Variants in RUVBL1 observed in about 807,000 individuals in gnomAD.
RUVBL1 encodes the protein ruvB-like 1.
RUVBL1 carries 4 observed loss-of-function variants against 52.4 expected under a neutral mutation model. That is an observed-to-expected ratio of 0.08 (90% CI 0.04 to 0.17). RUVBL1 has a LOEUF of 0.17. Among genes scored for constraint, RUVBL1 ranks in the 10% least tolerant of loss-of-function variants. The pLI is 1.00. For missense variants in RUVBL1, 298 were observed against 572.8 expected, an observed-to-expected ratio of 0.52 and a Z score of 4.90; for synonymous variants, 217 against 214.4, an observed-to-expected ratio of 1.01 and a Z score of -0.10.
At chr3:128,118,638 G>A (rs949313600) in intron 2 of RUVBL1, among the ~76,000 whole-genome samples, 4 of 152,162 alleles carry the variant, frequency 2.6e-5, no homozygotes, top group African/African-American at 7.2e-5. Context: ...GAAGCCACAC[G>A]GTGTCCTCTG....
chr3:128,117,606 C>G (rs1943556308), intron 2 of RUVBL1, among the ~76,000 whole-genome samples: 1 of 151,494 alleles, frequency 6.6e-6, no homozygotes, highest in Non-Finnish European at 1.5e-5. Context: ...TTAACGCTGA[C>G]AGTTTTTTTG....
downstream of RUVBL1, among the ~76,000 whole-genome samples, chr3:128,078,302 T>C (rs770386340): frequency 6.6e-6 from 1 of 152,194 alleles, no homozygotes; most frequent in Non-Finnish European, 1.5e-5. Flanking sequence ...AAACAAACTA[T>C]CCTACCAATC....
At chr3:128,104,670 T>A in intron 4 of RUVBL1, 103 bp downstream of exon 4, 1 of 976,918 alleles carries the variant, frequency 1.0e-6, no homozygotes, top group Non-Finnish European at 1.5e-6. Context: ...ATACCTGCAG[T>A]GCACAGGTCA....
chr3:128,147,909 T>C (rs1944127830), intron 1 of RUVBL1, among the ~76,000 whole-genome samples: 1 of 152,164 alleles, frequency 6.6e-6, no homozygotes, highest in African/African-American at 2.4e-5. Flanking sequence ...TACTACACAG[T>C]GATAAAAAGG....
downstream of RUVBL1, among the ~76,000 whole-genome samples, chr3:128,077,398 C>T (rs116207586): frequency 1.7e-3 from 255 of 152,288 alleles, no homozygotes; most frequent in East Asian, 6.0e-3. Context: ...TGGCTGCATA[C>T]TGGAGGAAGC....
At chr3:128,068,315 T>C (rs1012215816) in intron 9 of RUVBL1, among the ~76,000 whole-genome samples, 4 of 152,210 alleles carry the variant, frequency 2.6e-5, no homozygotes, top group African/African-American at 9.6e-5. Flanking sequence ...GCCAGGCGGA[T>C]AGGAGACAGT....
chr3:128,153,359 G>A, exon 1 of RUVBL1: 4 of 1,384,044 alleles, frequency 2.9e-6, no homozygotes, highest in Non-Finnish European at 3.7e-6. Flanking sequence ...GGCTGTGCCC[G>A]TGAGCCTCAG....
intron 8 of RUVBL1, among the ~76,000 whole-genome samples, chr3:128,095,650 G>A (rs1942951761): frequency 6.6e-6 from 1 of 152,226 alleles, no homozygotes; most frequent in Non-Finnish European, 1.5e-5. Context: ...CGCCTGAGGG[G>A]GAAGGGCTGT....
At chr3:128,112,740 T>C in intron 3 of RUVBL1, 148 bp downstream of exon 3, 1 of 885,304 alleles carries the variant, frequency 1.1e-6, no homozygotes, top group Non-Finnish European at 1.7e-6. Flanking sequence ...TTTTGTTTTA[T>C]TTGAAAAATA....
Position 128,097,446 on chromosome 3 carries a change from G to GCCC in RUVBL1, c.867_869dup (p.Gly290dup). ...GCACACCCGGGACCAGCTCAGCAAT[G>GCCC]CCCTGGTCGATGTACTTGTTCACCA... On this transcript the variant is annotated inframe_insertion, in exon 8 of 11. Transcript: ENST00000322623. 6.2e-7 allele frequency: 1 copy of GCCC among 1,614,172 alleles called. No homozygotes were observed. Among genetic ancestry groups the GCCC allele is most frequent in the Non-Finnish European group, 8.5e-7 (1 of 1,180,042 alleles).
chr3:128,123,594 T>C lies in RUVBL1; in HGVS notation c.131A>G (p.Asn44Ser), dbSNP rs138330644. ...GTCCACTGGCCACACCTCTCGCGCG[T>C]TCTCCTGGCCCACAAGCCCTGAGGC... ...QAASGLVGQE[N>S]AREACGVIVE... is the part of the protein sequence containing the mutation. The change falls in exon 1 of 11, where the codon AAC becomes AGC. Residue 44 changes from asparagine (N) to serine (S), a missense_variant. Asn to Ser is a conservative substitution (Grantham distance 46). Around this residue, in one of 5 missense-constraint regions of RUVBL1, gnomAD observed 71 missense variants for 125.7 expected, o/e 0.57. Transcript: ENST00000322623. 3 of 1,596,294 alleles carry C rather than the reference T, an allele frequency of 1.9e-6. No homozygotes were observed. In the African/African-American group the frequency reaches 4.0e-5, roughly 21 times the overall value.
At chr3:128,153,436 G>T in exon 1 of RUVBL1, 1 of 1,425,392 alleles carries the variant, frequency 7.0e-7, no homozygotes, top group South Asian at 1.5e-5. Context: ...GCAACTTAAC[G>T]GGCCGGACCG....
At chr3:128,121,140 G>A (rs1337329434) in intron 1 of RUVBL1, among the ~76,000 whole-genome samples, 1 of 151,864 alleles carries the variant, frequency 6.6e-6, no homozygotes, top group Non-Finnish European at 1.5e-5. Flanking sequence ...CTGTCACCCG[G>A]GCTGGAGCGC....
chr3:128,077,166 C>G (rs1942358943), downstream of RUVBL1, among the ~76,000 whole-genome samples: 1 of 152,064 alleles, frequency 6.6e-6, no homozygotes, highest in South Asian at 2.1e-4. Context: ...CCAGCCCGCA[C>G]GGCCTGGCCA....
chr3:128,138,745 C>G (rs971113487), intron 1 of RUVBL1, among the ~76,000 whole-genome samples: 1 of 152,058 alleles, frequency 6.6e-6, no homozygotes, highest in Non-Finnish European at 1.5e-5. Flanking sequence ...ATAACCAAAG[C>G]CATCCTGAGC....
At chr3:128,148,063 G>A (rs958977705) in intron 1 of RUVBL1, among the ~76,000 whole-genome samples, 1 of 152,110 alleles carries the variant, frequency 6.6e-6, no homozygotes, top group Non-Finnish European at 1.5e-5. Flanking sequence ...TAGAGACAGA[G>A]AACATAGATA....
At chr3:128,076,962 C>CGTGACG (rs1020847655), downstream of RUVBL1, among the ~76,000 whole-genome samples, 14 of 151,828 alleles carry the variant, frequency 9.2e-5, no homozygotes, top group South Asian at 6.3e-4. This position sits in a 1 kb window ranked among gnomAD's most constrained non-coding sequence, Gnocchi z 6.8. Flanking sequence ...GTGCTGGCGG[C>CGTGACG]GTGACGGTGA....
At chr3:128,152,688 C>G (rs752715344) in intron 1 of RUVBL1, among the ~76,000 whole-genome samples, 1 of 152,104 alleles carries the variant, frequency 6.6e-6, no homozygotes, top group Non-Finnish European at 1.5e-5. Flanking sequence ...CCAGTGGGTT[C>G]CTAGTCTCGC....
chr3:128,116,141 T>C (rs1943516921), intron 2 of RUVBL1, among the ~76,000 whole-genome samples: 2 of 151,164 alleles, frequency 1.3e-5, no homozygotes, highest in African/African-American at 4.9e-5. Flanking sequence ...AGACTGAAAC[T>C]GTCTCAAAAA....
Sources: gnomAD v4.1 joint callset for allele counts (sites outside exome capture counted in the v4.1 genomes callset) on GRCh38, gnomAD v4.1.1 for gene constraint, gnomAD v4.1.1 regional missense constraint, Gnocchi (gnomAD v3.1) non-coding constraint, MANE v1.5 for transcripts, NCBI Gene and HGNC (gene_info 2026-07-23, HGNC 2026-07-21) for gene names.